Variants in SIRT7 observed in about 807,000 individuals in gnomAD.
SIRT7 encodes NAD-dependent protein deacetylase sirtuin-7.
A neutral mutation model predicts 42.8 loss-of-function variants in SIRT7; 32 were observed. The ratio of observed to expected loss-of-function variants is 0.75; its 90% CI spans 0.56 to 1.00. SIRT7 has a LOEUF of 1.00. Among genes scored for constraint, SIRT7 ranks in the 50% least tolerant of loss-of-function variants. SIRT7 has a pLI of 0.00. For missense variants in SIRT7, 553 were observed against 572.2 expected (o/e 0.97, Z 0.34); for synonymous variants, 297 against 245.2 (o/e 1.21, Z -1.97).
In SIRT7 at chr17:81,912,064, A is replaced by C; in HGVS notation, c.*352T>G. ...AGTTCACACTTTTTCATTAAGTAGT[A>C]GTAGAAATACGGTGAGGCCCTGAGA... is the stretch of plus-strand genomic sequence containing the variant. On this transcript the variant is annotated 3_prime_UTR_variant, in exon 10 of 10. Coordinates refer to ENST00000328666, the MANE Select transcript of SIRT7 (RefSeq NM_016538.3). 2.6e-6 allele frequency: 1 copy of C among 378,178 alleles called. No individual in the cohort carries two copies. The highest frequency in any genetic ancestry group is 2.4e-5 in the South Asian group (1 of 41,854). 23.4% of individuals were successfully genotyped at this position (378,178 alleles called of 1,614,324 possible).
chr17:81,912,364 C>G lies in SIRT7; in HGVS notation c.*52G>C. 3 of 1,609,282 alleles carry G rather than the reference C, an allele frequency of 1.9e-6. No individual in the cohort carries two copies. The Admixed American group carries it at 5.0e-5, about 27-fold the overall frequency. ...ACCCGTGGGGGCAACCCAGCCTTCACCGTGACACTGGCCATCTGCAAAGTG... is the reference window on the plus strand; with the variant it reads ...ACCCGTGGGGGCAACCCAGCCTTCAGCGTGACACTGGCCATCTGCAAAGTG... On this transcript the variant is annotated 3_prime_UTR_variant, in exon 10 of 10. Transcript: ENST00000328666.
At chr17:81,914,728 G>A (rs1348953528) in intron 5 of SIRT7, 26 bp from the exon 6 acceptor site, 2 of 1,591,410 alleles carry the variant, frequency 1.3e-6, no homozygotes, top group Admixed American at 1.7e-5. Flanking sequence ...GGTGGCAAGG[G>A]GAGGGATGGC....
Position 81,912,358 on chromosome 17 carries a change from C to T in SIRT7, c.*58G>A. The T allele has an allele frequency of 6.2e-7, 1 of 1,603,100 alleles. No individual in the cohort carries two copies. The highest frequency in any genetic ancestry group is 1.1e-5 in the South Asian group (1 of 90,802). ...CCCTAGACCCGTGGGGGCAACCCAG[C>T]CTTCACCGTGACACTGGCCATCTGC... On this transcript the variant is annotated 3_prime_UTR_variant, in exon 10 of 10. Transcript: ENST00000328666.
intron 9 of SIRT7, chr17:81,912,844 C>T (rs550811694): frequency 1.5e-5 from 9 of 598,328 alleles, no homozygotes; most frequent in Admixed American, 5.5e-5. Context: ...CACACTAGCT[C>T]GGTCTCCTCA....
intron 3 of SIRT7, chr17:81,916,738 T>C (rs1311176712): frequency 6.6e-6 from 1 of 152,224 alleles, no homozygotes; most frequent in Non-Finnish European, 1.5e-5. Flanking sequence ...GTGCTAGGAT[T>C]ATAGGCATGA....
At position 81,918,043 on chromosome 17, in the gene SIRT7, C is replaced by T. The variant is rs1281094082; in HGVS notation, c.89G>A (p.Arg30His). ...LREEQQRERL[R>H]QVSRILRKAA... Reference sequence around the variant, plus strand: ...CGGGGAGCGGCGGCGGCGTACCTGGCGGAGGCGCTCCCTCTGCTGCTCCTC... The same window carrying T: ...CGGGGAGCGGCGGCGGCGTACCTGGTGGAGGCGCTCCCTCTGCTGCTCCTC... Residue 30 changes from arginine (R) to histidine (H), a missense_variant, in exon 1 of 10, where the codon CGC (arginine) becomes CAC (histidine). Physicochemically the swap from Arg to His is conservative, Grantham distance 29 (BLOSUM62 0). Transcript: ENST00000328666. The T allele has an allele frequency of 2.0e-6, 3 of 1,501,572 alleles. No homozygotes were observed. The highest frequency in any genetic ancestry group is 8.8e-7 in the Non-Finnish European group (1 of 1,133,062). The allele number at this position is 1,501,572 out of a possible 1,614,324, so 93.0% of individuals were successfully genotyped here. A position where few individuals can be genotyped will look rare whatever the true frequency, so the allele number is the denominator to read the frequency against.
chr17:81,912,912 T>A, intron 9 of SIRT7: 1 of 474,556 alleles, frequency 2.1e-6, no homozygotes, highest in Admixed American at 3.5e-5. Flanking sequence ...GGGGCAGCAG[T>A]GGCCCCAGGG....
At chr17:81,914,928 T>G (rs1392068582) in intron 5 of SIRT7, 1 of 574,610 alleles carries the variant, frequency 1.7e-6, no homozygotes, top group African/African-American at 1.9e-5. Context: ...CCAGCCCTGA[T>G]GCACCTGGAG....
Position 81,912,481 on chromosome 17 carries a change from G to T in SIRT7, c.1138C>A (p.Pro380Thr), listed in dbSNP as rs2040692476. 1 of 1,613,844 alleles carries T rather than the reference G, an allele frequency of 6.2e-7. No individual in the cohort carries two copies. Among genetic ancestry groups the T allele is most frequent in the Non-Finnish European group, 8.5e-7 (1 of 1,180,008 alleles). ...GDRGAPLSSA[P>T]ILGGWFGRGC... ...CTGCCAAACCAGCCCCCTAGGATGG[G>T]GGCCGAGCTAAGCGGTGCACCCCGG... is the stretch of plus-strand genomic sequence containing the variant. The change falls in exon 10 of 10, where the codon CCC becomes ACC. Residue 380 changes from proline (P) to threonine (T), a missense_variant. By Grantham distance (38) the Pro-to-Thr change is conservative. Transcript: ENST00000328666.
chr17:81,912,300 C>A lies in SIRT7; in HGVS notation c.*116G>T. On this transcript the variant is annotated 3_prime_UTR_variant, in exon 10 of 10. Coordinates refer to ENST00000328666, the MANE Select transcript of SIRT7 (RefSeq NM_016538.3). ...CAAGGACAAATGGCTAAAAATGTCA[C>A]GGTGAAAATGTCATCCCCAAAGAGT... is the stretch of plus-strand genomic sequence containing the variant. The A allele has an allele frequency of 3.0e-6, 4 of 1,320,248 alleles. No individual in the cohort carries two copies. The highest frequency in any genetic ancestry group is 4.3e-6 in the Non-Finnish European group (4 of 922,182). The allele number at this position is 1,320,248 out of a possible 1,614,324, so 81.8% of individuals were successfully genotyped here.
chr17:81,914,393 A>G lies in SIRT7; in HGVS notation c.717T>C (p.Phe239=), dbSNP rs147755913. The G allele has an allele frequency of 1.9e-5, 30 of 1,612,942 alleles. No individual in the cohort carries two copies. The highest frequency in any genetic ancestry group is 3.3e-5 in the Admixed American group (2 of 59,990). The change falls in exon 7 of 10, where the codon TTT becomes TTC. Residue 239 remains phenylalanine (F), a synonymous_variant. Coordinates refer to ENST00000328666, the MANE Select transcript of SIRT7 (RefSeq NM_016538.3). ...GTQLRDTIVH[F]GERGTLGQPL... ...GCTGCCCCAACGTCCCCCTCTCCCC[A>G]AAGTGCACAATGGTGTCCCGCAGCT...
At position 81,913,806 on chromosome 17, in the gene SIRT7, G is replaced by T; in HGVS notation, c.972C>A (p.Ala324=). Residue 324 remains alanine, a synonymous_variant, in exon 9 of 10, where the codon GCC becomes GCA. Coordinates refer to ENST00000328666, the MANE Select transcript of SIRT7 (RefSeq NM_016538.3). This position sits in a 1 kb window ranked among gnomAD's most constrained non-coding sequence, Gnocchi z 5.0. ...AGGCGGGGATCTCCAAGCCCAGCTC[G>T]GCCATGAGGAGCCGCATGACGTCAT... The part of the protein sequence containing the change: ...KCDDVMRLLM[A]ELGLEIPAYS... The T allele has an allele frequency of 1.9e-6, 3 of 1,549,104 alleles. No homozygotes were observed. Among genetic ancestry groups the T allele is most frequent in the Non-Finnish European group, 2.6e-6 (3 of 1,147,096 alleles).
chr17:81,915,011 C>G (rs1271936255), intron 5 of SIRT7: 2 of 509,610 alleles, frequency 3.9e-6, no homozygotes, highest in East Asian at 7.2e-5. Context: ...AAGGGCCACT[C>G]TGCCCCAGAT....
intron 1 of SIRT7, 26 bp from the exon 2 acceptor site, chr17:81,917,993 C>T (rs1312142263): frequency 2.2e-6 from 3 of 1,336,422 alleles, no homozygotes; most frequent in Non-Finnish European, 9.5e-7. Flanking sequence ...CGGTGAGCGG[C>T]GGCGCGGGCC....
rs542263411 is a variant in SIRT7, at chr17:81,918,022, G to A, written c.93+17C>T. 1.4e-6 allele frequency: 2 copies of A among 1,436,040 alleles called. No individual in the cohort carries two copies. Among genetic ancestry groups the A allele is most frequent in the South Asian group, 2.8e-5 (2 of 70,300 alleles). 89.0% of individuals were successfully genotyped at this position (1,436,040 alleles called of 1,614,324 possible). A position where few individuals can be genotyped will look rare whatever the true frequency, so the allele number is the denominator to read the frequency against. On this transcript the variant is annotated intron_variant, in intron 1 of 9. Coordinates refer to ENST00000328666, the MANE Select transcript of SIRT7 (RefSeq NM_016538.3). ...GCGGGCCGGGCATGGCCGGGCCGGG[G>A]AGCGGCGGCGGCGTACCTGGCGGAG...
rs1567905477 is a variant in SIRT7 at position 81,912,498 on chromosome 17, G to A, written c.1121C>T (p.Ala374Val). 4 of 1,613,804 alleles carry A rather than the reference G, an allele frequency of 2.5e-6. No individual in the cohort carries two copies. The highest frequency in any genetic ancestry group is 2.7e-5 in the African/African-American group (2 of 74,940). ...TAGGATGGGGGCCGAGCTAAGCGGT[G>A]CACCCCGGTCCCCAGGCGGGGCCTC... ...REEAPPGDRG[A>V]PLSSAPILGG... The change falls in exon 10 of 10, where the codon GCA becomes GTA. Residue 374 changes from alanine to valine, a missense_variant. Ala to Val is a moderately conservative substitution (Grantham distance 64, BLOSUM62 0). Transcript: ENST00000328666.
Position 81,914,833 on chromosome 17 carries a change from C to T in SIRT7, c.481-131G>A, listed in dbSNP as rs373506868. On this transcript the variant is annotated intron_variant, in intron 5 of 9. Transcript: ENST00000328666. ...AAAACCAGGGGCAGCTCCGTCCCCC[C>T]AGAGAGCCTTAGAAAGTAAAACACA... The T allele has an allele frequency of 8.9e-5, 63 of 706,622 alleles. No homozygotes were observed. The African/African-American group carries it at 9.3e-4, about 10-fold the overall frequency. 43.8% of individuals were successfully genotyped at this position (706,622 alleles called of 1,614,324 possible).
At chr17:81,912,815 T>C (rs1335463033) in intron 9 of SIRT7, 1 of 637,310 alleles carries the variant, frequency 1.6e-6, no homozygotes, top group East Asian at 2.7e-5. Context: ...TCTTAGGTGG[T>C]GACTCAAAGG....
intron 3 of SIRT7, 119 bp from the exon 4 acceptor site, chr17:81,915,800 G>A (rs144345898): frequency 1.1e-4 from 128 of 1,138,746 alleles, no homozygotes; most frequent in Non-Finnish European, 1.6e-4. Context: ...CCTGCATGTT[G>A]GCCTCTATTC....
Sources: allele counts gnomAD v4.1 joint callset, GRCh38; gene constraint gnomAD v4.1.1; non-coding constraint Gnocchi (gnomAD v3.1); transcripts MANE v1.5; gene names NCBI Gene and HGNC (gene_info 2026-07-23, HGNC 2026-07-21).